Variants in MTPN observed in about 807,000 individuals in gnomAD.
The protein encoded by MTPN is granule cell differentiation protein.
Under a neutral mutation model 13.5 loss-of-function variants are expected in MTPN, and 2 were observed. The ratio of observed to expected loss-of-function variants is 0.15; its 90% CI spans 0.06 to 0.47. The LOEUF (loss-of-function observed/expected upper bound fraction) is 0.47. Ranked by LOEUF, MTPN falls within the 20% of genes least tolerant of loss-of-function variation. The pLI is 0.97. For synonymous variants in MTPN, 46 were observed against 51.7 expected, an observed-to-expected ratio of 0.89 and a Z score of 0.48; for missense variants, 79 against 137.9, an observed-to-expected ratio of 0.57 and a Z score of 2.14.
intron 3 of MTPN, among the ~76,000 whole-genome samples, chr7:135,939,681 C>T (rs1799178434): frequency 6.8e-6 from 1 of 147,178 alleles, no homozygotes; most frequent in African/African-American, 2.5e-5. Flanking sequence ...TTCAGACTTT[C>T]TCGTTTAGAT....
intron 3 of MTPN, among the ~76,000 whole-genome samples, chr7:135,939,742 G>C (rs1377987380): frequency 6.6e-6 from 1 of 152,002 alleles, no homozygotes; most frequent in Admixed American, 6.6e-5. Context: ...CCTTTCTTAG[G>C]GAACTTACCA....
intron 3 of MTPN, among the ~76,000 whole-genome samples, chr7:135,944,818 A>G (rs1056351713): frequency 6.6e-6 from 1 of 152,232 alleles, no homozygotes; most frequent in Non-Finnish European, 1.5e-5. Flanking sequence ...TGTAGGAGAC[A>G]TATTTCAAGA....
At chr7:135,955,705 T>C (rs1318515494) in intron 1 of MTPN, among the ~76,000 whole-genome samples, 1 of 152,196 alleles carries the variant, frequency 6.6e-6, no homozygotes, top group Non-Finnish European at 1.5e-5. Context: ...TCCAACACTA[T>C]GTAAAAAGGA....
rs575875359 is a variant in MTPN at position 135,965,432 on chromosome 7, A to C, written c.72+11597T>G. ...TCTTATAGAGAACTTCAAAATAATAAATAATAAAAAATATTTTCTAAGGAC... is the reference window on the plus strand; with the variant it reads ...TCTTATAGAGAACTTCAAAATAATACATAATAAAAAATATTTTCTAAGGAC... On this transcript the variant is annotated intron_variant, in intron 1 of 3. Transcript: ENST00000393085. Among the ~76,000 whole-genome samples, 137 of 152,220 alleles carry C rather than the reference A, an allele frequency of 9.0e-4. 4 individuals are homozygous for C. The South Asian group carries it at 0.028, about 31-fold the overall frequency.
chr7:135,944,987 T>C (rs1403789160), intron 3 of MTPN, among the ~76,000 whole-genome samples: 6 of 152,234 alleles, frequency 3.9e-5, no homozygotes, highest in Admixed American at 3.3e-4. Context: ...ATATATGTTA[T>C]AGCCTATTGC....
At chr7:135,966,673 A>C (rs931330377) in intron 1 of MTPN, among the ~76,000 whole-genome samples, 2 of 152,178 alleles carry the variant, frequency 1.3e-5, no homozygotes, top group African/African-American at 2.4e-5. Context: ...GTGGTGTTTT[A>C]CTGCTGCCAC....
chr7:135,974,755 T>C (rs1334503657), intron 1 of MTPN, among the ~76,000 whole-genome samples: 4 of 152,112 alleles, frequency 2.6e-5, no homozygotes, highest in Non-Finnish European at 1.5e-5. Context: ...TTACAGAAAC[T>C]CAAAAAGTGA....
chr7:135,960,560 A>G (rs1040975752), intron 1 of MTPN: 1 of 152,004 alleles, frequency 6.6e-6, no homozygotes. Context: ...ACCAATATGG[A>G]GGTAGGGTAT....
At chr7:135,938,571 C>G (rs1045041641) in intron 3 of MTPN, among the ~76,000 whole-genome samples, 4 of 152,144 alleles carry the variant, frequency 2.6e-5, no homozygotes, top group African/African-American at 9.7e-5. Context: ...TTTAAAAAAC[C>G]ATTGAAACAG....
intron 1 of MTPN, among the ~76,000 whole-genome samples, chr7:135,976,674 G>C (rs1200423835): frequency 3.3e-5 from 5 of 152,106 alleles, no homozygotes; most frequent in Non-Finnish European, 7.4e-5. Context: ...CTCATTCAAA[G>C]AAAGGTTTAA....
chr7:135,935,516 A>G (rs1799102156), intron 3 of MTPN, among the ~76,000 whole-genome samples: 1 of 152,216 alleles, frequency 6.6e-6, no homozygotes, highest in African/African-American at 2.4e-5. Flanking sequence ...CTGGGATCAC[A>G]GGCGTGAGCC....
chr7:135,963,224 A>AG (rs1213760859), intron 1 of MTPN, among the ~76,000 whole-genome samples: 1 of 152,030 alleles, frequency 6.6e-6, no homozygotes, highest in African/African-American at 2.4e-5. Flanking sequence ...GCAGTGTTTA[A>AG]TATTTAAAAA....
At position 135,940,272 on chromosome 7, in the gene MTPN, T is replaced by C. The variant is rs113048256; in HGVS notation, c.271-10260A>G. ...AACTACTAAAAATGGATTTGGTATT[T>C]AGTGACATTAAAAATTATTCAAATA... On this transcript the variant is annotated intron_variant, in intron 3 of 3. Coordinates refer to ENST00000393085, the MANE Select transcript of MTPN (RefSeq NM_145808.4). Among the ~76,000 whole-genome samples the C allele has an allele frequency of 1.2e-4, 19 of 152,328 alleles. No homozygotes were observed. In the South Asian group the frequency reaches 1.9e-3, roughly 15 times the overall value.
intron 3 of MTPN, among the ~76,000 whole-genome samples, chr7:135,933,835 G>T (rs1345960626): frequency 6.6e-6 from 1 of 152,120 alleles, no homozygotes; most frequent in African/African-American, 2.4e-5. Context: ...CTGGTGGGAG[G>T]TGACTGGATC....
chr7:135,927,639 TA>T lies in MTPN; in HGVS notation c.*2286del, dbSNP rs1237373676. The T allele has an allele frequency of 1.6e-6, 1 of 641,910 alleles. No individual in the cohort carries two copies. The highest frequency in any genetic ancestry group is 2.2e-5 in the Admixed American group (1 of 46,436). 39.8% of individuals were successfully genotyped at this position (641,910 alleles called of 1,614,324 possible). On this transcript the variant is annotated 3_prime_UTR_variant, in exon 4 of 4. Transcript: ENST00000393085. ...TGCCAAGTGGTTCAGAAATACATTATAAATAACCTAGTTAAAAAAAGAAACT... is the reference window on the plus strand; with the variant it reads ...TGCCAAGTGGTTCAGAAATACATTATAATAACCTAGTTAAAAAAAGAAACT...
At chr7:135,959,019 TGG>T (rs1799485130) in intron 1 of MTPN, among the ~76,000 whole-genome samples, 1 of 152,160 alleles carries the variant, frequency 6.6e-6, no homozygotes, top group Admixed American at 6.6e-5. Flanking sequence ...AAATAAAATC[TGG>T]AAATTAAAAA....
In MTPN at chr7:135,928,913, C is replaced by T. The variant is rs1798970413; in HGVS notation, c.*1013G>A. On this transcript the variant is annotated 3_prime_UTR_variant, in exon 4 of 4. Coordinates refer to ENST00000393085, the MANE Select transcript of MTPN (RefSeq NM_145808.4). Reference sequence around the variant, plus strand: ...AATTTGTCCAAACAGTAAATCTCACCCCAGTGATAGCTTTGGTGCAGTAAG... The same window carrying T: ...AATTTGTCCAAACAGTAAATCTCACTCCAGTGATAGCTTTGGTGCAGTAAG... 6.0e-6 allele frequency: 1 copy of T among 166,982 alleles called. No homozygotes were observed. The highest frequency in any genetic ancestry group is 6.6e-5 in the Admixed American group (1 of 15,266). The allele number at this position is 166,982 out of a possible 1,614,324, so 10.3% of individuals were successfully genotyped here. A position where few individuals can be genotyped will look rare whatever the true frequency, so the allele number is the denominator to read the frequency against.
At chr7:135,962,203 G>A (rs10232894) in intron 1 of MTPN, among the ~76,000 whole-genome samples, 59,329 of 149,926 alleles carry the variant, frequency 0.4, 12,065 homozygotes, top group East Asian at 0.54. Flanking sequence ...TCTAATCCCA[G>A]TGCAATGGGA....
chr7:135,941,113 A>ATGTT (rs1163294354), intron 3 of MTPN, among the ~76,000 whole-genome samples: 2 of 152,186 alleles, frequency 1.3e-5, no homozygotes, highest in Non-Finnish European at 2.9e-5. Flanking sequence ...TTAATAGAAA[A>ATGTT]TGTTTGTTGC....
Sources: gnomAD v4.1 joint callset for allele counts (sites outside exome capture counted in the v4.1 genomes callset) on GRCh38, gnomAD v4.1.1 for gene constraint, MANE v1.5 for transcripts, NCBI Gene and HGNC (gene_info 2026-07-23, HGNC 2026-07-21) for gene names.